RAB27B: variants seen among roughly 807,000 people sequenced by gnomAD.
The protein encoded by RAB27B is RAB27B, member RAS oncogene family, also known as ras-related protein Rab-27B.
RAB27B carries 15 observed loss-of-function variants against 24.6 expected under a neutral mutation model. That is an observed-to-expected ratio of 0.61 (90% confidence interval 0.41 to 0.94). The LOEUF (loss-of-function observed/expected upper bound fraction) is 0.94, where lower values mean the gene tolerates loss of function less well. Ranked by LOEUF, RAB27B falls within the 40% of genes least tolerant of loss-of-function variation. The pLI, the probability that RAB27B is intolerant of heterozygous loss-of-function variation, is 0.00. For synonymous variants in RAB27B, 105 were observed against 92.5 expected (o/e 1.14, Z -0.78); for missense variants, 261 against 266.8 (o/e 0.98, Z 0.15).
intron 4 of RAB27B, among the ~76,000 whole-genome samples, chr18:54,884,799 G>C (rs1377159433): frequency 6.6e-6 from 1 of 152,072 alleles, no homozygotes; most frequent in Non-Finnish European, 1.5e-5. Flanking sequence ...ATTTGACCTG[G>C]GGAGATCACA....
chr18:54,834,114 T>A (rs1271377654), intron 1 of RAB27B, among the ~76,000 whole-genome samples: 1 of 152,166 alleles, frequency 6.6e-6, no homozygotes, highest in Non-Finnish European at 1.5e-5. Flanking sequence ...TTTTTTAAAT[T>A]AAGAATTGAT....
At chr18:54,750,226 C>T (rs577326907) in intron 2 of RAB27B, among the ~76,000 whole-genome samples, 13 of 151,964 alleles carry the variant, frequency 8.6e-5, no homozygotes, top group South Asian at 2.1e-4. Flanking sequence ...AATGATCCAG[C>T]GCTAGAATAT....
chr18:54,845,210 C>A (rs1372906823), intron 1 of RAB27B, among the ~76,000 whole-genome samples: 1 of 151,880 alleles, frequency 6.6e-6, no homozygotes, highest in East Asian at 1.9e-4. Context: ...AGTTTGGAAC[C>A]AGCCTGGCCA....
chr18:54,733,618 C>T (rs1024179231), intron 2 of RAB27B, among the ~76,000 whole-genome samples: 1 of 148,182 alleles, frequency 6.7e-6, no homozygotes, highest in African/African-American at 2.5e-5. Flanking sequence ...CCTGTAGTAC[C>T]TATAAATTTA....
chr18:54,835,018 G>A (rs1183099764), intron 1 of RAB27B, among the ~76,000 whole-genome samples: 2 of 151,808 alleles, frequency 1.3e-5, no homozygotes, highest in Admixed American at 1.3e-4. Flanking sequence ...TCTAACTTAG[G>A]CAAGGTAATC....
intron 2 of RAB27B, among the ~76,000 whole-genome samples, chr18:54,743,332 T>G (rs1441365530): frequency 2.0e-5 from 3 of 152,210 alleles, no homozygotes; most frequent in Non-Finnish European, 4.4e-5. Flanking sequence ...CTACTATGAA[T>G]CAGATCCTCT....
chr18:54,860,935 T>A (rs1420752618), intron 1 of RAB27B, among the ~76,000 whole-genome samples: 1 of 152,216 alleles, frequency 6.6e-6, no homozygotes, highest in Non-Finnish European at 1.5e-5. Flanking sequence ...CCAACATTCT[T>A]TTTCTAAAGA....
At chr18:54,832,685 T>C (rs1910732004) in intron 1 of RAB27B, among the ~76,000 whole-genome samples, 1 of 152,136 alleles carries the variant, frequency 6.6e-6, no homozygotes, top group Non-Finnish European at 1.5e-5. Context: ...TAAAAAGCCA[T>C]TCAAGTGAAA....
At chr18:54,856,224 T>G (rs1911779847) in intron 1 of RAB27B, among the ~76,000 whole-genome samples, 1 of 152,168 alleles carries the variant, frequency 6.6e-6, no homozygotes. Context: ...GAATGACAAT[T>G]AGAAGTCAGC....
At chr18:54,810,104 C>A (rs974895206) in intron 2 of RAB27B, among the ~76,000 whole-genome samples, 6 of 152,066 alleles carry the variant, frequency 3.9e-5, no homozygotes, top group African/African-American at 1.4e-4. Context: ...AGAACAAGTG[C>A]CTAGAATGTA....
chr18:54,791,692 CCTGGG>C (rs1909251303), intron 2 of RAB27B, among the ~76,000 whole-genome samples: 1 of 152,208 alleles, frequency 6.6e-6, no homozygotes, highest in South Asian at 2.1e-4. Context: ...GCCTGCCCAT[CCTGGG>C]CCTATAAAAA....
At chr18:54,726,747 T>C (rs961795977) in intron 2 of RAB27B, among the ~76,000 whole-genome samples, 9 of 151,620 alleles carry the variant, frequency 5.9e-5, no homozygotes, top group African/African-American at 1.9e-4. Context: ...TACCTTCAAA[T>C]TGTGTCATTA....
rs369716215 is a variant in RAB27B at position 54,796,241 on chromosome 18, G to A, written c.-20+78100G>A. On this transcript the variant is annotated intron_variant, in intron 2 of 4. Coordinates refer to the RAB27B transcript ENST00000586570. The stretch of plus-strand genomic sequence containing the variant: ...GCTCCAGCCCCATGGCTGCATCTAG[G>A]GGTGGGTGTCTGTGACTCCTGAAGT... 7.9e-5 allele frequency among the ~76,000 whole-genome samples: 12 copies of A among 152,272 alleles called. No homozygotes were observed. In the South Asian group the frequency reaches 1.9e-3, roughly 24 times the overall value.
intron 2 of RAB27B, among the ~76,000 whole-genome samples, chr18:54,753,092 T>C (rs1224824980): frequency 6.6e-6 from 1 of 152,072 alleles, no homozygotes; most frequent in Non-Finnish European, 1.5e-5. Context: ...TGATTTGAGG[T>C]GCCTGTGTCA....
intron 2 of RAB27B, among the ~76,000 whole-genome samples, chr18:54,799,795 A>G (rs1909543867): frequency 6.6e-6 from 1 of 151,852 alleles, no homozygotes; most frequent in Middle Eastern, 3.2e-3. Context: ...ACACCTGGCT[A>G]ATTTTTCTAT....
chr18:54,718,081 A>G (rs1568040394), exon 2 of RAB27B: 1 of 152,202 alleles, frequency 6.6e-6, no homozygotes, highest in Non-Finnish European at 1.5e-5. Flanking sequence ...TCGAAGCAAC[A>G]GTGCCATAAA....
At chr18:54,792,101 G>A (rs1909265999) in intron 2 of RAB27B, among the ~76,000 whole-genome samples, 1 of 152,150 alleles carries the variant, frequency 6.6e-6, no homozygotes, top group Admixed American at 6.5e-5. Flanking sequence ...GGGTCTAATT[G>A]AGCTGGTTAA....
intron 2 of RAB27B, among the ~76,000 whole-genome samples, chr18:54,748,085 C>T (rs1910312390): frequency 6.6e-6 from 1 of 151,982 alleles, no homozygotes; most frequent in African/African-American, 2.4e-5. Context: ...CCAGCCTGAG[C>T]AATAGAGTGA....
At chr18:54,785,655 G>A (rs1568065134) in intron 2 of RAB27B, among the ~76,000 whole-genome samples, 1 of 151,800 alleles carries the variant, frequency 6.6e-6, no homozygotes, top group African/African-American at 2.4e-5. Context: ...GAAAGTTTGG[G>A]GTTTTATTTG....
Sources: gnomAD v4.1 joint callset for allele counts (sites outside exome capture counted in the v4.1 genomes callset) on GRCh38, gnomAD v4.1.1 for gene constraint, MANE v1.5 for transcripts, NCBI Gene and HGNC (gene_info 2026-07-23, HGNC 2026-07-21) for gene names.